UNC13C: variants seen among roughly 807,000 people sequenced by gnomAD.
The protein encoded by UNC13C is protein unc-13 homolog C.
In UNC13C, 174 loss-of-function variants were observed where a neutral mutation model predicts 245.4. The observed-to-expected ratio is 0.71, with a 90% CI of 0.63 to 0.80. UNC13C has a LOEUF of 0.80. Ranked by LOEUF, UNC13C falls within the 30% of genes least tolerant of loss-of-function variation. UNC13C has a pLI of 0.00. For missense variants in UNC13C, 2,829 were observed against 2,602.9 expected, an observed-to-expected ratio of 1.09 and a Z score of -1.89; for synonymous variants, 992 against 895.1, an observed-to-expected ratio of 1.11 and a Z score of -1.93.
intron 17 of UNC13C, among the ~76,000 whole-genome samples, chr15:54,392,785 GAAC>G (rs2039984738): frequency 2.0e-5 from 3 of 151,672 alleles, no homozygotes; most frequent in Admixed American, 6.6e-5. Context: ...CTCTAATCCA[GAAC>G]AACAACAACA....
chr15:54,402,674 T>A (rs188060854), intron 18 of UNC13C, among the ~76,000 whole-genome samples: 1 of 152,284 alleles, frequency 6.6e-6, no homozygotes, highest in Non-Finnish European at 1.5e-5. Flanking sequence ...AGTACCATTA[T>A]CATCCCCAAA....
At chr15:54,422,997 T>C (rs1596354137) in intron 19 of UNC13C, among the ~76,000 whole-genome samples, 1 of 149,176 alleles carries the variant, frequency 6.7e-6, no homozygotes, top group Non-Finnish European at 1.5e-5. Flanking sequence ...AAAAAAAAAC[T>C]TCATGAAATA....
At chr15:53,949,703 A>T in the UNC13C span, among the ~76,000 whole-genome samples, 1 of 152,168 alleles carries the variant, frequency 6.6e-6, no homozygotes, top group Admixed American at 6.5e-5. Context: ...TCATCCCAGG[A>T]CTACCTGATG....
intron 2 of UNC13C, among the ~76,000 whole-genome samples, chr15:54,140,357 G>T (rs1236971216): frequency 6.6e-6 from 1 of 152,054 alleles, no homozygotes; most frequent in Non-Finnish European, 1.5e-5. Flanking sequence ...TTAAGAAATG[G>T]TTATTAGTCA....
At chr15:53,973,455 G>T (rs1336204164), upstream of UNC13C, among the ~76,000 whole-genome samples, 1 of 151,934 alleles carries the variant, frequency 6.6e-6, no homozygotes. Flanking sequence ...GAAATGTTAA[G>T]AAACTTTACT....
intron 10 of UNC13C, among the ~76,000 whole-genome samples, chr15:54,283,195 A>G (rs2037044883): frequency 6.6e-6 from 1 of 152,282 alleles, no homozygotes; most frequent in East Asian, 1.9e-4. Flanking sequence ...TTCACCTGCT[A>G]CACAACCCTA....
At chr15:54,010,232 G>A (rs921275748) in intron 1 of UNC13C, among the ~76,000 whole-genome samples, 5 of 152,138 alleles carry the variant, frequency 3.3e-5, no homozygotes, top group Admixed American at 6.5e-5. Context: ...ATGTATAAAG[G>A]AATATAAAAA....
intron 1 of UNC13C, among the ~76,000 whole-genome samples, chr15:53,988,486 A>G (rs1256224718): frequency 6.6e-6 from 1 of 151,922 alleles, no homozygotes; most frequent in East Asian, 1.9e-4. Context: ...GTTGCACAGA[A>G]GAAATGTGAA....
At chr15:53,871,699 G>T in the UNC13C span, among the ~76,000 whole-genome samples, 1 of 152,158 alleles carries the variant, frequency 6.6e-6, no homozygotes, top group African/African-American at 2.4e-5. Flanking sequence ...GCTGGACTTG[G>T]TTCAGGTCTG....
chr15:54,523,044 G>A (rs1045485158), intron 24 of UNC13C, among the ~76,000 whole-genome samples: 1 of 152,162 alleles, frequency 6.6e-6, no homozygotes, highest in African/African-American at 2.4e-5. Flanking sequence ...CCTTTACAAG[G>A]TACCCAATAA....
At chr15:54,110,575 G>C (rs1019893771) in intron 2 of UNC13C, among the ~76,000 whole-genome samples, 5 of 152,084 alleles carry the variant, frequency 3.3e-5, no homozygotes, top group African/African-American at 1.2e-4. Flanking sequence ...GATTAAAAGA[G>C]GATTACACTT....
chr15:53,931,838 C>T, the UNC13C span, among the ~76,000 whole-genome samples: 1 of 152,202 alleles, frequency 6.6e-6, no homozygotes, highest in Non-Finnish European at 1.5e-5. Flanking sequence ...AGGGTGAGTC[C>T]TTGGTGTTAC....
intron 2 of UNC13C, among the ~76,000 whole-genome samples, chr15:54,132,672 T>G (rs35177113): frequency 0.21 from 32,504 of 152,180 alleles, 4,323 homozygotes; most frequent in Non-Finnish European, 0.29. Flanking sequence ...ATTTCATTAA[T>G]GATTTTTCTT....
chr15:54,144,758 G>C (rs980147514), intron 4 of UNC13C, among the ~76,000 whole-genome samples: 1 of 151,944 alleles, frequency 6.6e-6, no homozygotes, highest in East Asian at 1.9e-4. Flanking sequence ...TTCTTCTATT[G>C]GTGGGTTTTC....
chr15:54,494,724 G>T lies in UNC13C; in HGVS notation c.5050G>T (p.Glu1684Ter), dbSNP rs1220676580. 2 of 1,609,786 alleles carry T rather than the reference G, an allele frequency of 1.2e-6. No homozygotes were observed. Among genetic ancestry groups the T allele is most frequent in the Non-Finnish European group, 8.5e-7 (1 of 1,178,166 alleles). ...TCCTGCCTTCAAGGATGCTGTTCCT[G>T]AATACTCCTTGTAAGTAGTGATTTT... The part of the protein sequence containing the change: ...ELPAFKDAVP[E>*]YSLWFEPFVM... Residue 1684 changes from glutamate (E) to a stop codon, truncating the protein, a stop_gained, in exon 20 of 33, where the codon GAA becomes TAA. Coordinates refer to ENST00000260323, the MANE Select transcript of UNC13C (RefSeq NM_001080534.3). LOFTEE classifies it high-confidence loss of function.
rs1364782425 is a variant in UNC13C at position 54,381,044 on chromosome 15, T to G, written c.4714-12004T>G. On this transcript the variant is annotated intron_variant, in intron 17 of 32. Transcript: ENST00000260323. ...CCAAAAAAATCTTAATCCAGTCTAG[T>G]GTCATGGAGCTTTTCTCCTGTTTTC... 2.0e-5 allele frequency among the ~76,000 whole-genome samples: 3 copies of G among 152,296 alleles called. No individual in the cohort carries two copies. In the East Asian group the frequency reaches 5.8e-4, roughly 29 times the overall value.
At chr15:54,622,607 A>G (rs1011482899) in intron 31 of UNC13C, among the ~76,000 whole-genome samples, 188 bp downstream of exon 31, 4 of 152,210 alleles carry the variant, frequency 2.6e-5, no homozygotes, top group Non-Finnish European at 5.9e-5. Flanking sequence ...AATGTTTAGC[A>G]TGCATTATTC....
intron 2 of UNC13C, among the ~76,000 whole-genome samples, chr15:54,124,929 AAAAAATCAGTTGACCAG>A (rs2030933656): frequency 6.6e-6 from 1 of 152,190 alleles, no homozygotes. Context: ...TCTTTGCCAA[AAAAAATCAGTTGACCAG>A]AAATGTGTGG....
chr15:54,096,209 A>T (rs1027014933), intron 2 of UNC13C, among the ~76,000 whole-genome samples: 3 of 152,166 alleles, frequency 2.0e-5, no homozygotes, highest in African/African-American at 7.2e-5. Context: ...TGAGACTTTC[A>T]TTCAGATCTG....
Sources: allele counts gnomAD v4.1 joint callset (sites outside exome capture counted in the v4.1 genomes callset), GRCh38; gene constraint gnomAD v4.1.1; transcripts MANE v1.5; gene names NCBI Gene and HGNC (gene_info 2026-07-23, HGNC 2026-07-21).